Variants in GABRG2 observed in about 807,000 individuals in gnomAD.
The protein encoded by GABRG2 is gamma-aminobutyric acid type A receptor subunit gamma2.
GABRG2 carries 16 observed loss-of-function variants against 56.4 expected under a neutral mutation model. That is an observed-to-expected ratio of 0.28 (90% CI 0.19 to 0.43). The LOEUF is 0.43. Ranked by LOEUF, GABRG2 falls within the 20% of genes least tolerant of loss-of-function variation. The probability of loss-of-function intolerance (pLI) is 1.00; values close to 1 mark genes in which losing one functional copy is unlikely to be tolerated. For missense variants in GABRG2, 327 were observed against 582.7 expected (o/e 0.56, Z 4.52); for synonymous variants, 208 against 205.5 (o/e 1.01, Z -0.10).
At chr5:162,136,402 T>TA (rs1203593909) in intron 6 of GABRG2, among the ~76,000 whole-genome samples, 1 of 152,110 alleles carries the variant, frequency 6.6e-6, no homozygotes, top group Admixed American at 6.6e-5. Flanking sequence ...ATTTAATTTT[T>TA]TAAAGTATGT....
intron 1 of GABRG2, among the ~76,000 whole-genome samples, chr5:162,084,357 T>G: frequency 6.6e-6 from 1 of 152,036 alleles, no homozygotes; most frequent in Non-Finnish European, 1.5e-5. Flanking sequence ...GATGCTATTT[T>G]GAATTTTCAG....
chr5:162,085,749 G>T (rs965042088), intron 1 of GABRG2, among the ~76,000 whole-genome samples: 1 of 151,372 alleles, frequency 6.6e-6, no homozygotes, highest in Admixed American at 6.6e-5. Context: ...TCTCTGAAAG[G>T]CCCCAGTGTG....
At chr5:162,110,731 T>C (rs1416055252) in intron 6 of GABRG2, among the ~76,000 whole-genome samples, 4 of 152,110 alleles carry the variant, frequency 2.6e-5, no homozygotes, top group African/African-American at 9.6e-5. Flanking sequence ...TACAGTCTCT[T>C]GTTACTCCTG....
intron 6 of GABRG2, among the ~76,000 whole-genome samples, chr5:162,141,596 C>G (rs1348315784): frequency 6.6e-6 from 1 of 152,076 alleles, no homozygotes. Context: ...TGAATATACA[C>G]TTAAAATGTA....
intron 6 of GABRG2, chr5:162,129,380 G>C (rs1227043019): frequency 6.6e-6 from 1 of 151,612 alleles, no homozygotes; most frequent in African/African-American, 2.4e-5. Context: ...CTTTCTTAAC[G>C]TGAAAAAGAT....
intron 7 of GABRG2, 44 bp downstream of exon 7, chr5:162,142,360 C>A: frequency 6.3e-7 from 1 of 1,590,536 alleles, no homozygotes; most frequent in Non-Finnish European, 8.6e-7. Flanking sequence ...AGATAAGTAC[C>A]AAATACAAGT....
Position 162,097,804 on chromosome 5 carries a change from C to A in GABRG2, c.494C>A (p.Thr165Asn). The stretch of plus-strand genomic sequence containing the variant: ...AAAGCTGATGCACACTGGATCACCA[C>A]CCCCAACAGGATGCTGAGAATTTGG... ...SKKADAHWIT[T>N]PNRMLRIWND... Residue 165 changes from threonine to asparagine, a missense_variant, in exon 4 of 10, where the codon ACC becomes AAC. Thr to Asn is a moderately conservative substitution (Grantham distance 65). Transcript: ENST00000639213. 1 of 1,613,814 alleles carries A rather than the reference C, an allele frequency of 6.2e-7. No individual in the cohort carries two copies. Among genetic ancestry groups the A allele is most frequent in the Non-Finnish European group, 8.5e-7 (1 of 1,179,872 alleles).
chr5:162,148,012 C>G, intron 7 of GABRG2, among the ~76,000 whole-genome samples: 1 of 152,154 alleles, frequency 6.6e-6, no homozygotes, highest in East Asian at 1.9e-4. Context: ...GAGCTAGAAC[C>G]TATTTGAATA....
At chr5:162,122,785 G>A (rs1006944421) in intron 6 of GABRG2, among the ~76,000 whole-genome samples, 1 of 151,406 alleles carries the variant, frequency 6.6e-6, no homozygotes, top group Non-Finnish European at 1.5e-5. Context: ...CTTGAGAATG[G>A]AAAAGATAGA....
At position 162,153,944 on chromosome 5, in the gene GABRG2, T is replaced by A. The variant is rs1168971306; in HGVS notation, c.*576T>A. The stretch of plus-strand genomic sequence containing the variant: ...ATAACTTAGAATGCTTCAAGTTTAG[T>A]GCATGCATCTCTTTAGATCCAAAAT... On this transcript the variant is annotated 3_prime_UTR_variant, in exon 10 of 10. Coordinates refer to ENST00000639213, the MANE Select transcript of GABRG2 (RefSeq NM_198904.4). The A allele has an allele frequency of 6.3e-6, 1 of 157,602 alleles. No individual in the cohort carries two copies. Among genetic ancestry groups the A allele is most frequent in the Non-Finnish European group, 1.4e-5 (1 of 71,062 alleles). The allele number at this position is 157,602 out of a possible 1,614,324, so 9.8% of individuals were successfully genotyped here. A position where few individuals can be genotyped will look rare whatever the true frequency, so the allele number is the denominator to read the frequency against.
In GABRG2 at chr5:162,146,719, GT is replaced by G. The variant is rs573075747; in HGVS notation, c.923-2387del. On this transcript the variant is annotated intron_variant, in intron 7 of 9. Transcript: ENST00000639213. ...GTGTATAGATTAGAAAGGGAGATTG[GT>G]TATTACATAATCAGGAATAGTATAG... Among the ~76,000 whole-genome samples the G allele has an allele frequency of 4.4e-4, 67 of 152,244 alleles. 1 individual carries two copies. The highest frequency in any genetic ancestry group is 1.4e-3 in the African/African-American group (60 of 41,558).
At chr5:162,080,306 A>G (rs2113190584) in intron 1 of GABRG2, among the ~76,000 whole-genome samples, 1 of 152,278 alleles carries the variant, frequency 6.6e-6, no homozygotes, top group East Asian at 1.9e-4. Flanking sequence ...TACTTTGCAT[A>G]TACTGGCCAG....
intron 3 of GABRG2, 88 bp downstream of exon 3, chr5:162,095,650 G>A (rs1327781125): frequency 3.2e-6 from 3 of 923,858 alleles, no homozygotes; most frequent in Non-Finnish European, 5.2e-6. Flanking sequence ...AGACATGCCA[G>A]CAAAAAATTT....
chr5:162,080,492 G>A (rs1221136746), intron 1 of GABRG2, among the ~76,000 whole-genome samples: 1 of 152,106 alleles, frequency 6.6e-6, no homozygotes, highest in Non-Finnish European at 1.5e-5. Flanking sequence ...CCAGGTGACT[G>A]GAAGATTGAT....
intron 6 of GABRG2, among the ~76,000 whole-genome samples, chr5:162,139,955 G>T (rs72821352): frequency 1.7e-3 from 254 of 152,278 alleles, no homozygotes; most frequent in Non-Finnish European, 3.0e-3. Flanking sequence ...AAAGATGGAT[G>T]TTAATAGAGG....
intron 6 of GABRG2, among the ~76,000 whole-genome samples, chr5:162,120,675 C>A (rs570384859): frequency 6.6e-6 from 1 of 152,026 alleles, no homozygotes; most frequent in Admixed American, 6.6e-5. Flanking sequence ...AGTTTACATG[C>A]CTATAAATAG....
chr5:162,105,583 C>A (rs1761751719), intron 6 of GABRG2, among the ~76,000 whole-genome samples: 1 of 151,802 alleles, frequency 6.6e-6, no homozygotes, highest in Non-Finnish European at 1.5e-5. Context: ...GCGCCCACCA[C>A]CACGCCTGGC....
At position 162,103,661 on chromosome 5, in the gene GABRG2, T is replaced by G. The variant is rs1435460813; in HGVS notation, c.632-228T>G. Reference sequence around the variant, plus strand: ...AGTATACCTTCTATGTCATTTAAATTATTTTCAAGAGTAAATTTGACCTTT... The same window carrying G: ...AGTATACCTTCTATGTCATTTAAATGATTTTCAAGAGTAAATTTGACCTTT... On this transcript the variant is annotated intron_variant, in intron 5 of 9. Coordinates refer to ENST00000639213, the MANE Select transcript of GABRG2 (RefSeq NM_198904.4). 15 of 564,222 alleles carry G rather than the reference T, an allele frequency of 2.7e-5. No homozygotes were observed. The East Asian group carries it at 4.3e-4, about 16-fold the overall frequency. 35.0% of individuals were successfully genotyped at this position (564,222 alleles called of 1,614,324 possible).
At chr5:162,145,507 A>G (rs1374627645) in intron 7 of GABRG2, among the ~76,000 whole-genome samples, 3 of 152,154 alleles carry the variant, frequency 2.0e-5, no homozygotes, top group African/African-American at 7.2e-5. Context: ...AGACAATATA[A>G]ACCATCCCTA....
Sources: gnomAD v4.1 joint callset for allele counts (sites outside exome capture counted in the v4.1 genomes callset) on GRCh38, gnomAD v4.1.1 for gene constraint, MANE v1.5 for transcripts, NCBI Gene and HGNC (gene_info 2026-07-23, HGNC 2026-07-21) for gene names.